ATP6V1H: variants seen among roughly 807,000 people sequenced by gnomAD.
ATP6V1H encodes ATPase H+ transporting V1 subunit H.
In ATP6V1H, 39 loss-of-function variants were observed where a neutral mutation model predicts 71.7. That is an observed-to-expected ratio of 0.54 (90% CI 0.42 to 0.71). ATP6V1H has a LOEUF of 0.71. Among genes scored for constraint, ATP6V1H ranks in the 30% least tolerant of loss-of-function variants. The pLI, the probability that ATP6V1H is intolerant of heterozygous loss-of-function variation, is 0.00. For missense variants in ATP6V1H, 509 were observed against 594.9 expected (o/e 0.86, Z 1.50); for synonymous variants, 192 against 199.3 (o/e 0.96, Z 0.31).
chr8:53,765,835 C>T (rs1808441464), intron 11 of ATP6V1H, among the ~76,000 whole-genome samples: 1 of 152,080 alleles, frequency 6.6e-6, no homozygotes. Flanking sequence ...GAATGGCCAG[C>T]ACAATATTAA....
At chr8:53,817,382 T>C in intron 5 of ATP6V1H, 35 bp downstream of exon 5, 1 of 1,480,444 alleles carries the variant, frequency 6.8e-7, no homozygotes, top group South Asian at 1.2e-5. Flanking sequence ...TTTAAAAAAA[T>C]TTTAAAAAAA....
At chr8:53,815,156 TC>T (rs1224379048) in intron 5 of ATP6V1H, among the ~76,000 whole-genome samples, 1 of 152,148 alleles carries the variant, frequency 6.6e-6, no homozygotes, top group Non-Finnish European at 1.5e-5. Flanking sequence ...TGCCAGCCTC[TC>T]CCACACTCAT....
At chr8:53,782,463 G>T (rs979604458) in intron 9 of ATP6V1H, among the ~76,000 whole-genome samples, 1 of 149,584 alleles carries the variant, frequency 6.7e-6, no homozygotes, top group Non-Finnish European at 1.5e-5. Context: ...GGGTTTTCTA[G>T]ATATACAATC....
intron 13 of ATP6V1H, among the ~76,000 whole-genome samples, chr8:53,740,745 G>A (rs2130173985): frequency 6.6e-6 from 1 of 152,260 alleles, no homozygotes; most frequent in East Asian, 1.9e-4. Flanking sequence ...CCTGAAAAAA[G>A]GTATTGATCC....
chr8:53,773,853 G>C (rs1189744459), intron 9 of ATP6V1H, among the ~76,000 whole-genome samples: 1 of 152,002 alleles, frequency 6.6e-6, no homozygotes, highest in African/African-American at 2.4e-5. Context: ...AGAAATCCTA[G>C]AAGTAAAACT....
At chr8:53,795,573 G>T in intron 9 of ATP6V1H, 74 bp downstream of exon 9, 1 of 1,356,640 alleles carries the variant, frequency 7.4e-7, no homozygotes, top group Non-Finnish European at 1.0e-6. Context: ...ATTTTTTCCC[G>T]CCTGCTAAAA....
intron 7 of ATP6V1H, 119 bp downstream of exon 7, chr8:53,811,045 C>T (rs1810257257): frequency 2.8e-6 from 2 of 710,734 alleles, no homozygotes; most frequent in Non-Finnish European, 4.9e-6. Context: ...ATTAACCTAA[C>T]TGGAGGTGAC....
intron 8 of ATP6V1H, among the ~76,000 whole-genome samples, chr8:53,801,287 C>G (rs1809900858): frequency 6.6e-6 from 1 of 152,202 alleles, no homozygotes; most frequent in Admixed American, 6.5e-5. Flanking sequence ...AGTTAGATCT[C>G]TCATGAACAA....
intron 4 of ATP6V1H, among the ~76,000 whole-genome samples, chr8:53,827,402 AAAT>A (rs1218142008): frequency 1.1e-4 from 16 of 152,096 alleles, no homozygotes; most frequent in African/African-American, 2.9e-4. Context: ...AATAAAATAA[AAAT>A]AATAATAATG....
intron 7 of ATP6V1H, among the ~76,000 whole-genome samples, chr8:53,803,187 A>G (rs983165532): frequency 6.6e-6 from 1 of 152,192 alleles, no homozygotes; most frequent in African/African-American, 2.4e-5. Context: ...AAATACAAAA[A>G]TTAGCCAGGT....
rs548893665 is a variant in ATP6V1H at position 53,825,696 on chromosome 8, G to A, written c.306+3748C>T. 5.1e-4 allele frequency among the ~76,000 whole-genome samples: 78 copies of A among 152,178 alleles called. No individual in the cohort carries two copies. In the South Asian group the frequency reaches 7.9e-3, roughly 15 times the overall value. On this transcript the variant is annotated intron_variant, in intron 4 of 13. Transcript: ENST00000359530. ...ATAAATGGTGCTAGAACAACTGAATGGCCATTTGGAAAACATAAAATTAGA... is the reference window on the plus strand; with the variant it reads ...ATAAATGGTGCTAGAACAACTGAATAGCCATTTGGAAAACATAAAATTAGA...
intron 11 of ATP6V1H, among the ~76,000 whole-genome samples, chr8:53,766,115 A>C (rs1808451966): frequency 6.6e-6 from 1 of 152,240 alleles, no homozygotes. Context: ...CAATACAAAG[A>C]GTGAATCCTG....
At chr8:53,760,217 A>C (rs1368518363) in intron 11 of ATP6V1H, among the ~76,000 whole-genome samples, 1 of 152,170 alleles carries the variant, frequency 6.6e-6, no homozygotes, top group Non-Finnish European at 1.5e-5. Flanking sequence ...TCAAGCATGC[A>C]CAGTAAGGTG....
At chr8:53,742,594 G>C (rs1166873111) in intron 13 of ATP6V1H, among the ~76,000 whole-genome samples, 1 of 152,038 alleles carries the variant, frequency 6.6e-6, no homozygotes, top group East Asian at 1.9e-4. Context: ...ACTTATCAGG[G>C]TACAAAGCTA....
intron 12 of ATP6V1H, among the ~76,000 whole-genome samples, chr8:53,747,571 G>C (rs553413357): frequency 6.9e-6 from 1 of 145,246 alleles, no homozygotes; most frequent in Non-Finnish European, 1.5e-5. Flanking sequence ...ATGGAGACTC[G>C]CTCCATTGCC....
At chr8:53,784,584 T>C (rs1316818981) in intron 9 of ATP6V1H, among the ~76,000 whole-genome samples, 1 of 152,228 alleles carries the variant, frequency 6.6e-6, no homozygotes, top group Non-Finnish European at 1.5e-5. Flanking sequence ...GTCATTATGA[T>C]GTTAGCTGGT....
In ATP6V1H at chr8:53,830,810, C is replaced by T. The variant is rs540035046; in HGVS notation, c.217-1277G>A. 1.2e-4 allele frequency among the ~76,000 whole-genome samples: 19 copies of T among 152,308 alleles called. No individual in the cohort carries two copies. The East Asian group carries it at 3.5e-3, about 28-fold the overall frequency. On this transcript the variant is annotated intron_variant, in intron 3 of 13. Transcript: ENST00000359530. ...AGGGAAAAGTCTTGTCTTATTAACA[C>T]ACATCCCCAGTCTCACCAGGCACAT... is the stretch of plus-strand genomic sequence containing the variant.
At chr8:53,779,167 T>C (rs549921803) in intron 9 of ATP6V1H, among the ~76,000 whole-genome samples, 5 of 152,076 alleles carry the variant, frequency 3.3e-5, no homozygotes, top group Non-Finnish European at 5.9e-5. Context: ...ACATAGAAGA[T>C]CTAAATAACA....
intron 11 of ATP6V1H, among the ~76,000 whole-genome samples, chr8:53,763,380 A>G (rs1422609017): frequency 6.6e-6 from 1 of 152,248 alleles, no homozygotes; most frequent in Non-Finnish European, 1.5e-5. Flanking sequence ...TAAATTTAAC[A>G]AAAGACATGC....
Sources: gnomAD v4.1 joint callset for allele counts (sites outside exome capture counted in the v4.1 genomes callset) on GRCh38, gnomAD v4.1.1 for gene constraint, MANE v1.5 for transcripts, NCBI Gene and HGNC (gene_info 2026-07-23, HGNC 2026-07-21) for gene names.